Variants in BHMT2 observed in about 807,000 individuals in gnomAD.
BHMT2 encodes the protein betaine--homocysteine S-methyltransferase 2, also known as S-methylmethionine--homocysteine S-methyltransferase BHMT2.
A neutral mutation model predicts 39.0 loss-of-function variants in BHMT2; 28 were observed. The ratio of observed to expected loss-of-function variants is 0.72; its 90% CI spans 0.53 to 0.98. BHMT2 has a LOEUF of 0.98. Among genes scored for constraint, BHMT2 ranks in the 50% least tolerant of loss-of-function variants. BHMT2 has a pLI of 0.00. For missense variants in BHMT2, 410 were observed against 455.6 expected, an observed-to-expected ratio of 0.90 and a Z score of 0.91; for synonymous variants, 145 against 160.6, an observed-to-expected ratio of 0.90 and a Z score of 0.74.
rs529719715 is a variant in BHMT2, at chr5:79,073,161, A to G, written c.33+3346A>G. Among the ~76,000 whole-genome samples, 4 of 152,028 alleles carry G rather than the reference A, an allele frequency of 2.6e-5. No individual in the cohort carries two copies. In the East Asian group the frequency reaches 7.7e-4, roughly 29 times the overall value. ...GTATTTTTAGTAGAGATGGAGTTTC[A>G]CCATGTTGGCCAAGCTAGTCTCAAA... is the stretch of plus-strand genomic sequence containing the variant. On this transcript the variant is annotated intron_variant, in intron 1 of 7. Transcript: ENST00000255192.
intron 3 of BHMT2, 76 bp from the exon 4 acceptor site, chr5:79,080,611 G>A (rs1561241197): frequency 7.4e-7 from 1 of 1,346,508 alleles, no homozygotes. Context: ...CTTGTTTATT[G>A]TCCCTTTAGT....
chr5:79,080,840 G>C lies in BHMT2; in HGVS notation c.412G>C (p.Val138Leu), dbSNP rs1196580762. The part of the protein sequence containing the change: ...IKKLFRQQLE[V>L]FAWKNVDFLI... ...AAAACTTTTTCGACAACAGCTAGAA[G>C]TTTTTGCCTGGAAAAATGTGGACTT... Residue 138 changes from valine to leucine, a missense_variant, in exon 4 of 8, where the codon GTT becomes CTT. By Grantham distance (32) the Val-to-Leu change is conservative. Transcript: ENST00000255192. 1.2e-6 allele frequency: 2 copies of C among 1,601,316 alleles called. No homozygotes were observed. Among genetic ancestry groups the C allele is most frequent in the Non-Finnish European group, 1.7e-6 (2 of 1,176,114 alleles).
intron 1 of BHMT2, among the ~76,000 whole-genome samples, chr5:79,070,284 G>A (rs1755537110): frequency 6.6e-6 from 1 of 152,208 alleles, no homozygotes; most frequent in African/African-American, 2.4e-5. Context: ...GCCTGGCCAA[G>A]CAGCCTGGCC....
At chr5:79,081,470 T>C (rs539015219) in intron 4 of BHMT2, among the ~76,000 whole-genome samples, 1 of 152,326 alleles carries the variant, frequency 6.6e-6, no homozygotes, top group African/African-American at 2.4e-5. Flanking sequence ...TTCTCTTTCC[T>C]CCACTTCCAA....
At chr5:79,085,198 G>T (rs915712848) in intron 7 of BHMT2, among the ~76,000 whole-genome samples, 1 of 152,098 alleles carries the variant, frequency 6.6e-6, no homozygotes, top group African/African-American at 2.4e-5. Flanking sequence ...AAACAAGCAG[G>T]ACTCATGAGA....
At chr5:79,083,103 A>G in intron 5 of BHMT2, 89 bp from the exon 6 acceptor site, 1 of 1,579,244 alleles carries the variant, frequency 6.3e-7, no homozygotes, top group East Asian at 2.2e-5. Context: ...GGTGGAGGGG[A>G]ATGGCTAACC....
rs1238162537 is a variant in BHMT2, at chr5:79,088,506, T to C, written c.1024T>C (p.Tyr342His). Residue 342 changes from tyrosine to histidine, a missense_variant, in exon 8 of 8, where the codon TAT becomes CAT. Physicochemically the swap from Tyr to His is moderately conservative, Grantham distance 83. Transcript: ENST00000255192. ...PWIRARARRE[Y>H]WENLLPASGR... ...ATTGAAACACAGGGCTCGAAGGGAG[T>C]ATTGGGAGAATCTGCTGCCAGCTTC... 1.9e-6 allele frequency: 3 copies of C among 1,613,312 alleles called. No homozygotes were observed. The highest frequency in any genetic ancestry group is 4.5e-5 in the East Asian group (2 of 44,840).
intron 7 of BHMT2, among the ~76,000 whole-genome samples, chr5:79,087,014 G>GTGTGTA (rs1329456863): frequency 9.3e-5 from 11 of 118,324 alleles, no homozygotes; most frequent in African/African-American, 3.5e-4. Context: ...GTGTGTGTGT[G>GTGTGTA]TATATATATA....
chr5:79,083,375 G>A lies in BHMT2; in HGVS notation c.781+1G>A, dbSNP rs1755829910. ...GTGGATCTCCCAGAATATCCCTTTG[G>A]TAAGCTCAGGTGCATAGTAGAGGTC... On this transcript the variant is annotated splice_donor_variant, in intron 6 of 7. Transcript: ENST00000255192. LOFTEE classifies it high-confidence loss of function. 1 of 1,592,558 alleles carries A rather than the reference G, an allele frequency of 6.3e-7. No homozygotes were observed.
At chr5:79,082,225 T>G (rs1397231613) in intron 4 of BHMT2, among the ~76,000 whole-genome samples, 2 of 152,198 alleles carry the variant, frequency 1.3e-5, no homozygotes, top group East Asian at 3.8e-4. Flanking sequence ...GAAAATGACA[T>G]GGGTTTACCA....
chr5:79,081,885 C>T (rs1179412127), intron 4 of BHMT2, among the ~76,000 whole-genome samples: 1 of 152,004 alleles, frequency 6.6e-6, no homozygotes. Context: ...AGAGAATAGC[C>T]GCCACCATTA....
chr5:79,070,269 CAGCA>C, intron 1 of BHMT2, among the ~76,000 whole-genome samples: 1 of 152,210 alleles, frequency 6.6e-6, no homozygotes, highest in Non-Finnish European at 1.5e-5. Context: ...TTGGAAAAGT[CAGCA>C]GCCTGGCCAA....
intron 1 of BHMT2, among the ~76,000 whole-genome samples, chr5:79,076,966 A>C (rs1232163166): frequency 1.3e-5 from 2 of 152,236 alleles, no homozygotes; most frequent in African/African-American, 2.4e-5. Flanking sequence ...AAGGAGGAAA[A>C]TAGACAAAAG....
chr5:79,080,969 C>A (rs1580251298), intron 4 of BHMT2, 91 bp downstream of exon 4: 2 of 1,226,952 alleles, frequency 1.6e-6, no homozygotes, highest in Non-Finnish European at 2.2e-6. Flanking sequence ...GGACAACATT[C>A]TGCCCTCATT....
chr5:79,088,677 C>CTA lies in BHMT2; in HGVS notation c.*104_*105insAT. On this transcript the variant is annotated 3_prime_UTR_variant, in exon 8 of 8. Coordinates refer to ENST00000255192, the MANE Select transcript of BHMT2 (RefSeq NM_017614.5). ...CTTCATCCTCACCATGCCCTGCTAT[C>CTA]TCCAGCTGCTGAGCAGCTGAGGTGC... is the stretch of plus-strand genomic sequence containing the variant. 1 of 874,670 alleles carries CTA rather than the reference C, an allele frequency of 1.1e-6. No individual in the cohort carries two copies. Among genetic ancestry groups the CTA allele is most frequent in the South Asian group, 1.6e-5 (1 of 61,742 alleles). 54.2% of individuals were successfully genotyped at this position (874,670 alleles called of 1,614,324 possible). A position where few individuals can be genotyped will look rare whatever the true frequency, so the allele number is the denominator to read the frequency against.
chr5:79,084,649 G>C (rs140533366), intron 7 of BHMT2, among the ~76,000 whole-genome samples: 1 of 152,106 alleles, frequency 6.6e-6, no homozygotes, highest in Non-Finnish European at 1.5e-5. Context: ...CTGGTGACTA[G>C]GTTTCAACAT....
chr5:79,081,016 A>G, intron 4 of BHMT2, 138 bp downstream of exon 4: 1 of 790,532 alleles, frequency 1.3e-6, no homozygotes. Flanking sequence ...ATTTAAATGC[A>G]TGGTAGTCAA....
rs545830519 is a variant in BHMT2 at position 79,089,743 on chromosome 5, G to C, written c.*1169G>C. On this transcript the variant is annotated 3_prime_UTR_variant, in exon 8 of 8. Coordinates refer to ENST00000255192, the MANE Select transcript of BHMT2 (RefSeq NM_017614.5). ...GCACTTTGGGAGGCCAGGGCGGGCA[G>C]ATCACTTGGGTCAAGAGTTCAAGGC... Among the ~76,000 whole-genome samples the C allele has an allele frequency of 6.6e-6, 1 of 152,306 alleles. No individual in the cohort carries two copies. Among genetic ancestry groups the C allele is most frequent in the African/African-American group, 2.4e-5 (1 of 41,568 alleles).
chr5:79,086,366 A>C (rs566500804), intron 7 of BHMT2, among the ~76,000 whole-genome samples: 6 of 152,192 alleles, frequency 3.9e-5, no homozygotes, highest in Non-Finnish European at 8.8e-5. Context: ...TCCAGGGGAC[A>C]GTCAAATGAG....
Sources: allele counts gnomAD v4.1 joint callset (sites outside exome capture counted in the v4.1 genomes callset), GRCh38; gene constraint gnomAD v4.1.1; transcripts MANE v1.5; gene names NCBI Gene and HGNC (gene_info 2026-07-23, HGNC 2026-07-21).